SORT1: variants seen among roughly 807,000 people sequenced by gnomAD.
SORT1 encodes the protein sortilin 1, also known as sortilin.
In SORT1, 39 loss-of-function variants were observed where a neutral mutation model predicts 101.7. The ratio of observed to expected loss-of-function variants is 0.38; its 90% CI spans 0.30 to 0.50. The LOEUF (loss-of-function observed/expected upper bound fraction) is 0.50, where lower values mean the gene tolerates loss of function less well. Ranked by LOEUF, SORT1 falls within the 20% of genes least tolerant of loss-of-function variation. SORT1 has a pLI of 0.90. For missense variants in SORT1, 878 were observed against 1,040.4 expected (o/e 0.84, Z 2.15); for synonymous variants, 396 against 393.7 (o/e 1.01, Z -0.07).
intron 3 of SORT1, among the ~76,000 whole-genome samples, chr1:109,364,897 T>G (rs1419753370): frequency 6.6e-6 from 1 of 152,186 alleles, no homozygotes; most frequent in African/African-American, 2.4e-5. Context: ...ATTATTGTCC[T>G]TTTACAGATG....
rs190287497 is a variant in SORT1, at chr1:109,341,409, C to T, written c.1109-530G>A. Reference sequence around the variant, plus strand: ...TTGCCCAGGCTGGAGTGCAGTGGCACGATCTCAGCTCACTGCAAGCTCCAC... The same window carrying T: ...TTGCCCAGGCTGGAGTGCAGTGGCATGATCTCAGCTCACTGCAAGCTCCAC... On this transcript the variant is annotated intron_variant, in intron 9 of 19. Transcript: ENST00000256637. Among the ~76,000 whole-genome samples the T allele has an allele frequency of 1.1e-3, 166 of 151,860 alleles. 3 individuals are homozygous for T. In the East Asian group the frequency reaches 0.03, roughly 27 times the overall value.
At chr1:109,389,038 A>G (rs1199325664) in intron 1 of SORT1, among the ~76,000 whole-genome samples, 1 of 152,236 alleles carries the variant, frequency 6.6e-6, no homozygotes, top group African/African-American at 2.4e-5. Flanking sequence ...CAACTCTGCC[A>G]AGTGATAAAC....
At chr1:109,341,538 A>G (rs543527649) in intron 9 of SORT1, among the ~76,000 whole-genome samples, 21 of 151,996 alleles carry the variant, frequency 1.4e-4, no homozygotes, top group African/African-American at 4.6e-4. Flanking sequence ...TGTAGTAGAG[A>G]TGGGGTTTCA....
intron 7 of SORT1, 74 bp from the exon 8 acceptor site, chr1:109,345,955 A>G (rs1209200580): frequency 7.8e-7 from 1 of 1,279,444 alleles, no homozygotes; most frequent in Non-Finnish European, 1.1e-6. Context: ...TTTTAGAATC[A>G]ATCTTAATTT....
chr1:109,355,692 C>A (rs562756605), intron 3 of SORT1, among the ~76,000 whole-genome samples: 124 of 123,548 alleles, frequency 1.0e-3, no homozygotes, highest in African/African-American at 3.4e-3. Flanking sequence ...GTTCAGGAAT[C>A]GGGGAGTGAC....
chr1:109,320,321 T>A (rs561776556), intron 15 of SORT1, among the ~76,000 whole-genome samples: 17 of 152,314 alleles, frequency 1.1e-4, no homozygotes, highest in Admixed American at 9.8e-4. Context: ...AAATACATCA[T>A]GTTTTCTCCT....
At chr1:109,375,522 C>T (rs531978405) in intron 1 of SORT1, among the ~76,000 whole-genome samples, 180 of 112,620 alleles carry the variant, frequency 1.6e-3, no homozygotes, top group African/African-American at 5.9e-3. Flanking sequence ...CCAGCCTGGG[C>T]GACAGTGAGA....
chr1:109,343,386 A>G (rs1406293234), intron 8 of SORT1, among the ~76,000 whole-genome samples: 1 of 152,074 alleles, frequency 6.6e-6, no homozygotes, highest in East Asian at 1.9e-4. Context: ...ACCTAACTCA[A>G]TGGTCCTGAT....
chr1:109,356,044 G>C (rs942154812), intron 3 of SORT1, among the ~76,000 whole-genome samples: 1 of 152,090 alleles, frequency 6.6e-6, no homozygotes, highest in African/African-American at 2.4e-5. Context: ...GCTAATTTTT[G>C]TATTTTAAGT....
intron 2 of SORT1, chr1:109,368,892 G>A (rs1651276140): frequency 6.6e-6 from 1 of 152,326 alleles, no homozygotes; most frequent in African/African-American, 2.4e-5. Context: ...TTCTATATAG[G>A]GGTTTCCCCA....
At chr1:109,334,553 G>T (rs1348845289) in intron 11 of SORT1, among the ~76,000 whole-genome samples, 1 of 152,164 alleles carries the variant, frequency 6.6e-6, no homozygotes, top group African/African-American at 2.4e-5. Context: ...GAAGGCCAAA[G>T]GGTACATAGT....
intron 5 of SORT1, among the ~76,000 whole-genome samples, 195 bp from the exon 6 acceptor site, chr1:109,351,197 A>T (rs947430015): frequency 2.0e-5 from 3 of 152,200 alleles, no homozygotes; most frequent in Admixed American, 2.0e-4. Flanking sequence ...TCAGAATAAC[A>T]AATGCGTATG....
At chr1:109,332,727 T>C (rs190973853) in intron 11 of SORT1, among the ~76,000 whole-genome samples, 95 of 152,250 alleles carry the variant, frequency 6.2e-4, no homozygotes, top group African/African-American at 2.1e-3. Context: ...TATTGAGCTA[T>C]AGTAATCAAA....
intron 15 of SORT1, among the ~76,000 whole-genome samples, chr1:109,320,042 C>T (rs1419075287): frequency 6.6e-6 from 1 of 152,058 alleles, no homozygotes; most frequent in Non-Finnish European, 1.5e-5. Flanking sequence ...CTGCACTCAT[C>T]TGTTTCTCTG....
rs1653294558 is a variant in SORT1 at position 109,397,875 on chromosome 1, T to C, written c.18A>G (p.Gly6=). The change falls in exon 1 of 20, where the codon GGA becomes GGG. Residue 6 remains glycine (G), a synonymous_variant. Coordinates refer to ENST00000256637, the MANE Select transcript of SORT1 (RefSeq NM_002959.7). The part of the protein sequence containing the change: MERPW[G]AADGLSRWPH... ...GCCAGCGCGAGAGGCCGTCCGCAGC[T>C]CCCCAGGGCCGCTCCATCGCCGCCG... The C allele has an allele frequency of 3.3e-6, 4 of 1,210,228 alleles. No homozygotes were observed. 75.0% of individuals were successfully genotyped at this position (1,210,228 alleles called of 1,614,324 possible). A position where few individuals can be genotyped will look rare whatever the true frequency, so the allele number is the denominator to read the frequency against.
At chr1:109,368,337 C>CT (rs1651240505) in intron 2 of SORT1, 1 of 149,290 alleles carries the variant, frequency 6.7e-6, no homozygotes, top group Admixed American at 6.7e-5. Flanking sequence ...TACCAACTAT[C>CT]TAAGATAAAT....
chr1:109,340,746 G>A lies in SORT1; in HGVS notation c.1242C>T (p.Tyr414=). Residue 414 remains tyrosine, a synonymous_variant, in exon 10 of 20, where the codon TAC becomes TAT. Coordinates refer to ENST00000256637, the MANE Select transcript of SORT1 (RefSeq NM_002959.7). The part of the protein sequence containing the change: ...FTNVTSLRGV[Y]ITSVLSEDNS... ...CACCTTCGGAGAGCACGCTTGTTAT[G>A]TAGACGCCGCGGAGGGAGGTCACGT... is the stretch of plus-strand genomic sequence containing the variant. The A allele has an allele frequency of 1.2e-6, 2 of 1,614,130 alleles. No individual in the cohort carries two copies. Among genetic ancestry groups the A allele is most frequent in the South Asian group, 2.2e-5 (2 of 91,082 alleles).
At chr1:109,351,896 C>A (rs1649985123) in intron 5 of SORT1, among the ~76,000 whole-genome samples, 1 of 152,060 alleles carries the variant, frequency 6.6e-6, no homozygotes, top group African/African-American at 2.4e-5. Context: ...GGAACAGGCT[C>A]TGCAAGAATT....
chr1:109,326,831 T>C, intron 13 of SORT1, 161 bp downstream of exon 13: 1 of 513,708 alleles, frequency 1.9e-6, no homozygotes, highest in Admixed American at 3.2e-5. Flanking sequence ...CCATTTAATC[T>C]GAGTTGCCAA....
Sources: allele counts gnomAD v4.1 joint callset (sites outside exome capture counted in the v4.1 genomes callset), GRCh38; gene constraint gnomAD v4.1.1; transcripts MANE v1.5; gene names NCBI Gene and HGNC (gene_info 2026-07-23, HGNC 2026-07-21).